Variants in SUGP1 observed in about 807,000 individuals in gnomAD.
The protein encoded by SUGP1 is SURP and G-patch domain containing 1, also known as SURP and G-patch domain-containing protein 1.
In SUGP1, 34 loss-of-function variants were observed where a neutral mutation model predicts 76.5. The observed-to-expected ratio is 0.44, with a 90% CI of 0.34 to 0.59. The LOEUF (loss-of-function observed/expected upper bound fraction) is 0.59. SUGP1 is among the 20% of genes least tolerant of loss of function. The pLI is 0.01. For synonymous variants in SUGP1, 326 were observed against 326.2 expected, an observed-to-expected ratio of 1.00 and a Z score of 0.01; for missense variants, 752 against 851.7, an observed-to-expected ratio of 0.88 and a Z score of 1.46.
chr19:19,318,604 ATT>A (rs1264471864), intron 1 of SUGP1, among the ~76,000 whole-genome samples: 1 of 151,770 alleles, frequency 6.6e-6, no homozygotes, highest in Non-Finnish European at 1.5e-5. Flanking sequence ...ATTTTCTTTT[ATT>A]TTTTGTAGAG....
Position 19,276,616 on chromosome 19 carries a change from G to A in SUGP1, c.*32C>T. On this transcript the variant is annotated 3_prime_UTR_variant, in exon 14 of 14. Transcript: ENST00000247001. The stretch of plus-strand genomic sequence containing the variant: ...AACATTCCACAGTCCAGGGACGGTT[G>A]GTCATTCAGAAAGTATGTATTTCCA... The A allele has an allele frequency of 6.2e-7, 1 of 1,613,822 alleles. No homozygotes were observed. The highest frequency in any genetic ancestry group is 8.5e-7 in the Non-Finnish European group (1 of 1,179,764).
At chr19:19,314,121 A>G (rs2061373784) in intron 2 of SUGP1, among the ~76,000 whole-genome samples, 1 of 151,100 alleles carries the variant, frequency 6.6e-6, no homozygotes, top group Non-Finnish European at 1.5e-5. Context: ...TGGGCGGCTG[A>G]GTGAGACTCT....
chr19:19,304,609 T>C (rs1361143113), intron 4 of SUGP1, among the ~76,000 whole-genome samples: 1 of 152,228 alleles, frequency 6.6e-6, no homozygotes, highest in Non-Finnish European at 1.5e-5. Context: ...CACTGAGCCA[T>C]GTGGAACTTG....
chr19:19,302,364 A>C lies in SUGP1; in HGVS notation c.788T>G (p.Val263Gly). Residue 263 changes from valine to glycine, a missense_variant, in exon 7 of 14, where the codon GTC (valine) becomes GGC (glycine). Physicochemically the swap from Val to Gly is moderately radical, Grantham distance 109. This residue lies in a region of SUGP1 where 620 missense variants were observed against 617.3 expected (regional missense o/e 1.00). Transcript: ENST00000247001. Reference protein sequence around the residue: ...QKVSPPEDEEVKNLAEKLARF... With the variant: ...QKVSPPEDEEGKNLAEKLARF... ...GGCCAACTTTTCTGCAAGGTTCTTG[A>C]CCTCTTCGTCCTCTGGGGGTGAAAC... 1 of 1,613,998 alleles carries C rather than the reference A, an allele frequency of 6.2e-7. No individual in the cohort carries two copies. Among genetic ancestry groups the C allele is most frequent in the Non-Finnish European group, 8.5e-7 (1 of 1,179,992 alleles).
chr19:19,288,757 A>G (rs2061160115), intron 8 of SUGP1, among the ~76,000 whole-genome samples: 1 of 151,896 alleles, frequency 6.6e-6, no homozygotes, highest in South Asian at 2.1e-4. Context: ...CCCTGCCTCA[A>G]AAAAAAAGTT....
intron 4 of SUGP1, 187 bp from the exon 5 acceptor site, chr19:19,304,034 G>C: frequency 6.3e-7 from 1 of 1,576,028 alleles, no homozygotes; most frequent in South Asian, 1.1e-5. Flanking sequence ...CACTGTCTTG[G>C]TGAGACACAC....
chr19:19,295,834 T>C (rs1173233963), intron 8 of SUGP1, among the ~76,000 whole-genome samples: 1 of 151,948 alleles, frequency 6.6e-6, no homozygotes, highest in Non-Finnish European at 1.5e-5. Flanking sequence ...TGTGCCAGTG[T>C]ACTCGAACAT....
At chr19:19,279,965 G>A (rs901741444) in intron 9 of SUGP1, among the ~76,000 whole-genome samples, 1 of 152,216 alleles carries the variant, frequency 6.6e-6, no homozygotes, top group African/African-American at 2.4e-5. Context: ...GGTCTCCCAG[G>A]CAGGCTGAGA....
chr19:19,305,880 C>T lies in SUGP1; in HGVS notation c.507G>A (p.Glu169=), dbSNP rs1389859300. ...SVFQSPDEDE[E]EDYEQWLEIK... ...TCTCCAGCCACTGCTCATAGTCCTCCTCCTCGTCCTCGTCAGGGGACTGGA... is the reference window on the plus strand; with the variant it reads ...TCTCCAGCCACTGCTCATAGTCCTCTTCCTCGTCCTCGTCAGGGGACTGGA... The change falls in exon 4 of 14, where the codon GAG becomes GAA. Residue 169 remains glutamate, a synonymous_variant. Transcript: ENST00000247001. 3.1e-6 allele frequency: 5 copies of T among 1,612,468 alleles called. No individual in the cohort carries two copies. In the African/African-American group the frequency reaches 5.3e-5, roughly 17 times the overall value.
At chr19:19,303,951 G>C (rs775004987) in intron 4 of SUGP1, 104 bp from the exon 5 acceptor site, 1 of 1,600,674 alleles carries the variant, frequency 6.2e-7, no homozygotes, top group African/African-American at 1.3e-5. Flanking sequence ...GGGGAGAAGA[G>C]TGTGAGATGC....
chr19:19,302,070 C>A, intron 7 of SUGP1, 195 bp downstream of exon 7: 1 of 783,998 alleles, frequency 1.3e-6, no homozygotes, highest in Non-Finnish European at 2.0e-6. Flanking sequence ...CAGAGACTAC[C>A]CAGGGGTGCT....
intron 6 of SUGP1, among the ~76,000 whole-genome samples, chr19:19,302,887 T>C (rs2061282877): frequency 6.6e-6 from 1 of 152,044 alleles, no homozygotes; most frequent in Non-Finnish European, 1.5e-5. Flanking sequence ...TATTTCCCCT[T>C]CCCCTGAAAT....
intron 8 of SUGP1, among the ~76,000 whole-genome samples, chr19:19,290,007 G>A (rs988720291): frequency 1.5e-4 from 23 of 152,108 alleles, no homozygotes; most frequent in Non-Finnish European, 2.6e-4. Context: ...CCCTAATCTC[G>A]GTGGGTGTGG....
At chr19:19,298,146 T>G (rs2061243659) in intron 7 of SUGP1, among the ~76,000 whole-genome samples, 1 of 152,212 alleles carries the variant, frequency 6.6e-6, no homozygotes, top group African/African-American at 2.4e-5. Flanking sequence ...GGGATGGTCA[T>G]AGCACCAAGG....
At chr19:19,304,851 C>T (rs1014918585) in intron 4 of SUGP1, among the ~76,000 whole-genome samples, 6 of 152,196 alleles carry the variant, frequency 3.9e-5, no homozygotes, top group East Asian at 1.9e-4. Context: ...TGTGAGGTCC[C>T]GAGAGCATTC....
intron 1 of SUGP1, among the ~76,000 whole-genome samples, chr19:19,319,119 G>A (rs1209670452): frequency 6.6e-6 from 1 of 152,154 alleles, no homozygotes; most frequent in Non-Finnish European, 1.5e-5. Context: ...CTACTCAGGA[G>A]GCTGAGGCAG....
At chr19:19,285,008 C>T (rs2061128489) in intron 8 of SUGP1, among the ~76,000 whole-genome samples, 3 of 151,788 alleles carry the variant, frequency 2.0e-5, no homozygotes, top group Admixed American at 2.0e-4. Context: ...GCTGGGACTA[C>T]AGGCGCCCGC....
chr19:19,318,322 G>A (rs1461952609), intron 1 of SUGP1, among the ~76,000 whole-genome samples: 1 of 151,016 alleles, frequency 6.6e-6, no homozygotes, highest in Non-Finnish European at 1.5e-5. Flanking sequence ...GCTTCACCAT[G>A]TTGGCCAGGC....
chr19:19,280,170 T>C lies in SUGP1; in HGVS notation c.1350+15A>G, dbSNP rs1568617683. 2 of 1,612,204 alleles carry C rather than the reference T, an allele frequency of 1.2e-6. No homozygotes were observed. The highest frequency in any genetic ancestry group is 2.7e-5 in the African/African-American group (2 of 74,914). ...CGCCGACCATGTCCCCGTCCCCTTG[T>C]CCCCGCAGTCTTACCTCCTGCTGCT... On this transcript the variant is annotated intron_variant, in intron 9 of 13. Transcript: ENST00000247001.
Sources: allele counts gnomAD v4.1 joint callset (sites outside exome capture counted in the v4.1 genomes callset), GRCh38; gene constraint gnomAD v4.1.1; regional missense constraint gnomAD v4.1.1; transcripts MANE v1.5; gene names NCBI Gene and HGNC (gene_info 2026-07-23, HGNC 2026-07-21).